The following AGO3 variants were observed in gnomAD, a reference collection of about 807,000 sequenced individuals.
AGO3 encodes argonaute RISC catalytic component 3, also known as protein argonaute-3.
AGO3 carries 16 observed loss-of-function variants against 105.5 expected under a neutral mutation model. The observed-to-expected ratio is 0.15, with a 90% CI of 0.10 to 0.23. The LOEUF is 0.23. Among genes scored for constraint, AGO3 ranks in the 10% least tolerant of loss-of-function variants. The pLI, the probability that AGO3 is intolerant of heterozygous loss-of-function variation, is 1.00. For synonymous variants in AGO3, 340 were observed against 367.3 expected (o/e 0.93, Z 0.85); for missense variants, 534 against 1,088.0 (o/e 0.49, Z 7.16).
intron 5 of AGO3, among the ~76,000 whole-genome samples, chr1:35,993,369 ACTC>A (rs1054088295): frequency 5.9e-5 from 9 of 152,178 alleles, no homozygotes; most frequent in African/African-American, 2.2e-4. Context: ...GGATTAATAA[ACTC>A]CTAGCAAGAC....
At chr1:36,009,688 C>T in intron 9 of AGO3, 94 bp downstream of exon 9, 1 of 1,245,034 alleles carries the variant, frequency 8.0e-7, no homozygotes, top group Admixed American at 2.6e-5. Context: ...TACCTTATGA[C>T]CATTTCATGG....
chr1:36,064,643 ATTTTAT>A lies in AGO3; in HGVS notation c.*8905_*8910del, dbSNP rs1643066649. On this transcript the variant is annotated 3_prime_UTR_variant, in exon 19 of 19. Coordinates refer to ENST00000373191, the MANE Select transcript of AGO3 (RefSeq NM_024852.4). The stretch of plus-strand genomic sequence containing the variant: ...GTGTCAGGTAATTATAAATGGGAAA[ATTTTAT>A]TTTTATATGATGTAAAGTTTTACAG... 6.6e-6 allele frequency: 1 copy of A among 152,242 alleles called. No individual in the cohort carries two copies. Among genetic ancestry groups the A allele is most frequent in the South Asian group, 2.1e-4 (1 of 4,826 alleles). 9.4% of individuals were successfully genotyped at this position (152,242 alleles called of 1,614,324 possible).
intron 5 of AGO3, among the ~76,000 whole-genome samples, chr1:36,003,739 T>TA (rs1640218250): frequency 5.7e-5 from 8 of 141,196 alleles, no homozygotes; most frequent in African/African-American, 2.1e-4. Flanking sequence ...TATATATATA[T>TA]GTATATTTGT....
At chr1:35,969,514 A>T (rs1190999088) in intron 3 of AGO3, among the ~76,000 whole-genome samples, 2 of 152,118 alleles carry the variant, frequency 1.3e-5, no homozygotes, top group African/African-American at 2.4e-5. Context: ...ATCTGCTGTA[A>T]GGGAGTATAT....
chr1:35,981,243 T>C (rs1374511863), intron 5 of AGO3, among the ~76,000 whole-genome samples: 1 of 152,220 alleles, frequency 6.6e-6, no homozygotes, highest in Non-Finnish European at 1.5e-5. Flanking sequence ...TATTATTGTA[T>C]GTATACTTAC....
At chr1:35,986,853 A>G (rs1371302799) in intron 5 of AGO3, among the ~76,000 whole-genome samples, 2 of 151,558 alleles carry the variant, frequency 1.3e-5, no homozygotes, top group African/African-American at 2.4e-5. Context: ...GAAATTAACC[A>G]GGCGTGATGG....
intron 12 of AGO3, among the ~76,000 whole-genome samples, chr1:36,033,403 G>A (rs1641869524): frequency 6.6e-6 from 1 of 151,758 alleles, no homozygotes. Flanking sequence ...ACTTTGGGAG[G>A]CTGGAGCAGG....
At chr1:36,028,553 T>C (rs1203258455) in intron 12 of AGO3, among the ~76,000 whole-genome samples, 1 of 152,046 alleles carries the variant, frequency 6.6e-6, no homozygotes, top group East Asian at 1.9e-4. Flanking sequence ...ATTTCATCCA[T>C]GTCCCTACAG....
chr1:36,017,473 A>G (rs1001208788), intron 11 of AGO3, among the ~76,000 whole-genome samples: 5 of 152,230 alleles, frequency 3.3e-5, no homozygotes, highest in African/African-American at 1.2e-4. Flanking sequence ...ATCTAGCACA[A>G]CTTTAGCAAG....
intron 5 of AGO3, among the ~76,000 whole-genome samples, chr1:35,982,039 C>T (rs1393532604): frequency 6.6e-6 from 1 of 152,114 alleles, no homozygotes; most frequent in Non-Finnish European, 1.5e-5. Context: ...TTTTGTTGCT[C>T]TGTACAGGTT....
chr1:35,989,497 G>T (rs1285906815), intron 5 of AGO3, among the ~76,000 whole-genome samples: 1 of 152,150 alleles, frequency 6.6e-6, no homozygotes, highest in African/African-American at 2.4e-5. Flanking sequence ...TAGATTTGAT[G>T]AAATGAAGAA....
Position 36,027,368 on chromosome 1 carries a change from T to C in AGO3, c.1591+70T>C. The C allele has an allele frequency of 1.5e-6, 2 of 1,317,200 alleles. No homozygotes were observed. Among genetic ancestry groups the C allele is most frequent in the Non-Finnish European group, 2.0e-6 (2 of 983,122 alleles). The allele number at this position is 1,317,200 out of a possible 1,614,324, so 81.6% of individuals were successfully genotyped here. ...CCTTTTAGGATTATACTGAAACATA[T>C]CCTAAAACTTTCAAATATTAAAATA... On this transcript the variant is annotated intron_variant, in intron 12 of 18. Coordinates refer to ENST00000373191, the MANE Select transcript of AGO3 (RefSeq NM_024852.4). The surrounding 1 kb of genome is among the most constrained non-coding windows in gnomAD (Gnocchi z 4.0).
Position 36,069,304 on chromosome 1 carries a change from A to T in AGO3, c.*13559A>T, listed in dbSNP as rs1260456749. The T allele has an allele frequency of 1.3e-5, 2 of 152,198 alleles. No individual in the cohort carries two copies. Among genetic ancestry groups the T allele is most frequent in the Non-Finnish European group, 2.9e-5 (2 of 68,066 alleles). 9.4% of individuals were successfully genotyped at this position (152,198 alleles called of 1,614,324 possible). A position where few individuals can be genotyped will look rare whatever the true frequency, so the allele number is the denominator to read the frequency against. ...TTTTATTGCAGAGATGGGGTCTCAC[A>T]TGTTGCCAAGGCTGATCTCTAACTC... is the stretch of plus-strand genomic sequence containing the variant. On this transcript the variant is annotated 3_prime_UTR_variant, in exon 19 of 19. Transcript: ENST00000373191.
intron 1 of AGO3, among the ~76,000 whole-genome samples, chr1:35,933,638 C>G (rs137881237): frequency 1.5e-5 from 1 of 68,260 alleles, no homozygotes; most frequent in South Asian, 5.5e-4. Context: ...AAGACCCTGT[C>G]TCAAAAAAAA....
chr1:36,040,349 A>G lies in AGO3; in HGVS notation c.2080A>G (p.Ser694Gly). 1 of 1,613,890 alleles carries G rather than the reference A, an allele frequency of 6.2e-7. No individual in the cohort carries two copies. The highest frequency in any genetic ancestry group is 8.5e-7 in the Non-Finnish European group (1 of 1,179,792). ...ELLAIREACI[S>G]LEKDYQPGIT... The stretch of plus-strand genomic sequence containing the variant: ...ACTAGCAATTCGAGAAGCCTGCATC[A>G]GTTTGGAGAAAGACTATCAACCTGG... Residue 694 changes from serine to glycine, a missense_variant, in exon 16 of 19, where the codon AGT becomes GGT. This residue lies in a region of AGO3 where 373 missense variants were observed against 854.0 expected (regional missense o/e 0.44). Coordinates refer to ENST00000373191, the MANE Select transcript of AGO3 (RefSeq NM_024852.4).
Position 36,059,801 on chromosome 1 carries a change from G to A in AGO3, c.*4056G>A, listed in dbSNP as rs1203531049. On this transcript the variant is annotated 3_prime_UTR_variant, in exon 19 of 19. Transcript: ENST00000373191. ...TGTTAGACCCTTTTTTTTCCTAAGA[G>A]TAAGGACACGGAATATCAAAGTAAC... 1 of 151,970 alleles carries A rather than the reference G, an allele frequency of 6.6e-6. No individual in the cohort carries two copies. The highest frequency in any genetic ancestry group is 2.4e-5 in the African/African-American group (1 of 41,378). 9.4% of individuals were successfully genotyped at this position (151,970 alleles called of 1,614,324 possible).
chr1:36,049,110 A>C (rs534955954), intron 17 of AGO3, among the ~76,000 whole-genome samples: 18 of 152,368 alleles, frequency 1.2e-4, no homozygotes, highest in African/African-American at 3.6e-4. Flanking sequence ...CAGAAAACCA[A>C]ATACTGCATG....
intron 9 of AGO3, 95 bp from the exon 10 acceptor site, chr1:36,013,535 T>C (rs1640726379): frequency 6.7e-7 from 1 of 1,484,496 alleles, no homozygotes; most frequent in South Asian, 1.3e-5. Context: ...AAATATATTA[T>C]GGACACAGTG....
intron 5 of AGO3, among the ~76,000 whole-genome samples, chr1:35,996,323 TAAAAAA>T (rs549557635): frequency 7.4e-6 from 1 of 135,002 alleles, no homozygotes; most frequent in East Asian, 2.1e-4. Flanking sequence ...CTCTGACTCT[TAAAAAA>T]AAAAAAAAAT....
Sources: allele counts gnomAD v4.1 joint callset (sites outside exome capture counted in the v4.1 genomes callset), GRCh38; gene constraint gnomAD v4.1.1; regional missense constraint gnomAD v4.1.1; non-coding constraint Gnocchi (gnomAD v3.1); transcripts MANE v1.5; gene names NCBI Gene and HGNC (gene_info 2026-07-23, HGNC 2026-07-21).